LINGO2: variants seen among roughly 807,000 people sequenced by gnomAD.
LINGO2 encodes the protein leucine rich repeat and Ig domain containing 2, also known as leucine-rich repeat and immunoglobulin-like domain-containing nogo receptor-interacting protein 2.
In LINGO2, 14 loss-of-function variants were observed where a neutral mutation model predicts 30.6. That is an observed-to-expected ratio of 0.46 (90% confidence interval 0.30 to 0.72). LINGO2 has a LOEUF of 0.72. Ranked by LOEUF, LINGO2 falls within the 30% of genes least tolerant of loss-of-function variation. LINGO2 has a pLI of 0.07. For missense variants in LINGO2, 729 were observed against 751.7 expected, an observed-to-expected ratio of 0.97 and a Z score of 0.35; for synonymous variants, 317 against 288.5, an observed-to-expected ratio of 1.10 and a Z score of -1.00.
At chr9:28,152,426 T>G (rs767845403) in intron 4 of LINGO2, among the ~76,000 whole-genome samples, 6 of 152,120 alleles carry the variant, frequency 3.9e-5, no homozygotes, top group Non-Finnish European at 8.8e-5. Context: ...CAGCGCGCCA[T>G]GGTTCTTTCA....
chr9:28,003,621 C>A (rs1822099768), intron 5 of LINGO2, among the ~76,000 whole-genome samples: 3 of 152,182 alleles, frequency 2.0e-5, no homozygotes, highest in Middle Eastern at 3.4e-3. Context: ...GCCACCACAC[C>A]CGGCTAATTT....
At chr9:28,525,903 A>C (rs993546711) in intron 1 of LINGO2, among the ~76,000 whole-genome samples, 1 of 151,938 alleles carries the variant, frequency 6.6e-6, no homozygotes, top group African/African-American at 2.4e-5. Flanking sequence ...AGAATACAAA[A>C]AAATTAGCGG....
chr9:28,210,999 C>G (rs1282462940), intron 4 of LINGO2, among the ~76,000 whole-genome samples: 1 of 151,374 alleles, frequency 6.6e-6, no homozygotes. Flanking sequence ...GATTCCTCCC[C>G]AAGCATTTGC....
the LINGO2 span, among the ~76,000 whole-genome samples, chr9:28,704,004 C>T: frequency 6.6e-6 from 1 of 151,744 alleles, no homozygotes; most frequent in Admixed American, 6.6e-5. Flanking sequence ...TTTTATTTGG[C>T]CTTCATTTGT....
intron 4 of LINGO2, among the ~76,000 whole-genome samples, chr9:28,232,306 G>A (rs1197608377): frequency 6.6e-6 from 1 of 151,516 alleles, no homozygotes; most frequent in Non-Finnish European, 1.5e-5. Flanking sequence ...AGCTGAGGCT[G>A]GAGAATTGCT....
At chr9:28,251,853 C>T (rs1387264016) in intron 4 of LINGO2, among the ~76,000 whole-genome samples, 7 of 152,004 alleles carry the variant, frequency 4.6e-5, no homozygotes, top group Non-Finnish European at 1.0e-4. Context: ...CATAGCAATC[C>T]TACATATGTA....
the LINGO2 span, among the ~76,000 whole-genome samples, chr9:28,722,102 A>G: frequency 2.0e-5 from 3 of 152,132 alleles, no homozygotes; most frequent in African/African-American, 7.2e-5. Flanking sequence ...TAAATACAAG[A>G]TACATTTTCT....
chr9:28,400,830 G>A (rs1182131933), intron 2 of LINGO2, among the ~76,000 whole-genome samples: 1 of 152,116 alleles, frequency 6.6e-6, no homozygotes, highest in Non-Finnish European at 1.5e-5. Flanking sequence ...AAGAAGTTCT[G>A]AAAAATAAAT....
At chr9:27,976,720 A>G (rs539607656) in intron 5 of LINGO2, among the ~76,000 whole-genome samples, 2 of 152,242 alleles carry the variant, frequency 1.3e-5, no homozygotes, top group Admixed American at 6.5e-5. Flanking sequence ...GGGACTATTC[A>G]GAAATCTCAC....
the LINGO2 span, among the ~76,000 whole-genome samples, chr9:29,024,615 A>T: frequency 6.6e-6 from 1 of 152,160 alleles, no homozygotes; most frequent in Non-Finnish European, 1.5e-5. Flanking sequence ...CCTCAACTTT[A>T]GAAAATGACC....
At chr9:28,542,531 C>T (rs887341881) in intron 1 of LINGO2, among the ~76,000 whole-genome samples, 1 of 151,994 alleles carries the variant, frequency 6.6e-6, no homozygotes, top group Admixed American at 6.6e-5. Context: ...TGAACTCAAA[C>T]TCAAACTGGT....
At chr9:29,095,988 CA>C in the LINGO2 span, among the ~76,000 whole-genome samples, 154 of 130,492 alleles carry the variant, frequency 1.2e-3, 24 homozygotes, top group African/African-American at 3.8e-3. Context: ...TTAAAGTATA[CA>C]AAAAAAAAAT....
chr9:28,395,692 C>T (rs1323378873), intron 2 of LINGO2, among the ~76,000 whole-genome samples: 1 of 152,122 alleles, frequency 6.6e-6, no homozygotes, highest in Non-Finnish European at 1.5e-5. Context: ...CTTAAACAGA[C>T]ATAGTATAAA....
intron 1 of LINGO2, among the ~76,000 whole-genome samples, chr9:28,520,122 A>G (rs1254193868): frequency 6.6e-6 from 1 of 152,202 alleles, no homozygotes; most frequent in Admixed American, 6.5e-5. Flanking sequence ...TGATTGGTAT[A>G]CAAAGATAGT....
chr9:28,046,373 C>G (rs1824422185), intron 4 of LINGO2, among the ~76,000 whole-genome samples: 1 of 152,080 alleles, frequency 6.6e-6, no homozygotes, highest in South Asian at 2.1e-4. Flanking sequence ...CTGGTGGACC[C>G]CACCCTCACT....
chr9:28,219,057 G>A (rs1183584727), intron 4 of LINGO2, among the ~76,000 whole-genome samples: 1 of 152,158 alleles, frequency 6.6e-6, no homozygotes, highest in Admixed American at 6.6e-5. Flanking sequence ...CAGTCACCCA[G>A]TTTTCAGGCA....
At chr9:28,786,175 C>T in the LINGO2 span, among the ~76,000 whole-genome samples, 1 of 152,120 alleles carries the variant, frequency 6.6e-6, no homozygotes, top group African/African-American at 2.4e-5. Context: ...GTGGAGTTGT[C>T]ATATTATCTT....
At chr9:28,103,520 C>A (rs976723102) in intron 4 of LINGO2, among the ~76,000 whole-genome samples, 48 of 152,140 alleles carry the variant, frequency 3.2e-4, no homozygotes, top group African/African-American at 1.1e-3. Flanking sequence ...ATGAAAGACA[C>A]ATGGCCTACT....
chr9:28,024,711 G>C (rs1444044184), intron 4 of LINGO2, among the ~76,000 whole-genome samples: 3 of 152,092 alleles, frequency 2.0e-5, no homozygotes, highest in South Asian at 2.1e-4. Flanking sequence ...CAAAGTCATT[G>C]CATCTTCATG....
Sources: gnomAD v4.1 joint callset for allele counts (sites outside exome capture counted in the v4.1 genomes callset) on GRCh38, gnomAD v4.1.1 for gene constraint, MANE v1.5 for transcripts, NCBI Gene and HGNC (gene_info 2026-07-23, HGNC 2026-07-21) for gene names.